Variants in SPIC observed in about 807,000 individuals in gnomAD.
SPIC encodes Spi-C transcription factor, also known as transcription factor Spi-C.
A neutral mutation model predicts 16.7 loss-of-function variants in SPIC; 9 were observed. The ratio of observed to expected loss-of-function variants is 0.54; its 90% confidence interval spans 0.33 to 0.94. SPIC has a LOEUF of 0.94. Ranked by LOEUF, SPIC falls within the 40% of genes least tolerant of loss-of-function variation. SPIC has a pLI of 0.03. For missense variants in SPIC, 241 were observed against 285.8 expected (o/e 0.84, Z 1.13); for synonymous variants, 97 against 102.9 (o/e 0.94, Z 0.35).
In SPIC at chr12:101,479,623, G is replaced by A; in HGVS notation, c.139G>A (p.Val47Ile). 1 of 1,613,564 alleles carries A rather than the reference G, an allele frequency of 6.2e-7. No individual in the cohort carries two copies. The highest frequency in any genetic ancestry group is 8.5e-7 in the Non-Finnish European group (1 of 1,179,686). The change falls in exon 4 of 6, where the codon GTC (valine) becomes ATC (isoleucine). Residue 47 changes from valine (V) to isoleucine (I), a missense_variant. Coordinates refer to ENST00000551346, the MANE Select transcript of SPIC (RefSeq NM_152323.3). ...GGCTTTAATCAACCATCGTCCTCAT[G>A]TCAAAGGAAATTCCAGCTGCTATGG... ...YLALINHRPH[V>I]KGNSSCYGVL...
rs147320195 is a variant in SPIC, at chr12:101,478,838, A to T, written c.98-744A>T. Among the ~76,000 whole-genome samples, 107 of 152,226 alleles carry T rather than the reference A, an allele frequency of 7.0e-4. 2 individuals carry two copies. The East Asian group carries it at 0.02, about 28-fold the overall frequency. On this transcript the variant is annotated intron_variant, in intron 3 of 5. Coordinates refer to ENST00000551346, the MANE Select transcript of SPIC (RefSeq NM_152323.3). ...ATAGGGTATTACAGGGTGTTCCAAG[A>T]TAAGAGAAATCATGTGGGCAGGGCA...
intron 2 of SPIC, 137 bp from the exon 3 acceptor site, chr12:101,477,421 A>G: frequency 1.3e-6 from 1 of 770,628 alleles, no homozygotes; most frequent in South Asian, 1.7e-5. Context: ...CCCCCTGACA[A>G]CAGAGACAGC....
intron 4 of SPIC, among the ~76,000 whole-genome samples, chr12:101,482,188 C>T (rs1216604181): frequency 1.3e-5 from 2 of 150,096 alleles, no homozygotes; most frequent in African/African-American, 2.5e-5. Context: ...GCCAAGATCG[C>T]GCCATTGCAC....
rs140414335 is a variant in SPIC at position 101,482,890 on chromosome 12, G to A, written c.309G>A (p.Lys103=). Residue 103 remains lysine, a synonymous_variant, in exon 5 of 6, where the codon AAG becomes AAA. Transcript: ENST00000551346. The part of the protein sequence containing the change: ...QLVQPTLLQQ[K]GGKGRKKLRL... ...TACAACCCACTCTTCTCCAGCAAAA[G>A]GGGGGAAAAGGTACGTTGATCCATC... The A allele has an allele frequency of 5.0e-6, 8 of 1,613,220 alleles. No individual in the cohort carries two copies. The Admixed American group carries it at 1.2e-4, about 24-fold the overall frequency.
chr12:101,482,122 C>T (rs1873221978), intron 4 of SPIC, among the ~76,000 whole-genome samples: 1 of 150,934 alleles, frequency 6.6e-6, no homozygotes, highest in Non-Finnish European at 1.5e-5. Flanking sequence ...CGCCCAGCTA[C>T]TAGGGAGGCT....
intron 5 of SPIC, among the ~76,000 whole-genome samples, chr12:101,485,533 C>T (rs1373635670): frequency 6.6e-6 from 1 of 152,016 alleles, no homozygotes; most frequent in Non-Finnish European, 1.5e-5. Flanking sequence ...AGTTTTTCTC[C>T]TTTTTTATTT....
chr12:101,484,437 G>A (rs1873301832), intron 5 of SPIC, among the ~76,000 whole-genome samples: 2 of 151,882 alleles, frequency 1.3e-5, no homozygotes, highest in Non-Finnish European at 2.9e-5. Context: ...TGGGGAGGCT[G>A]AGGTGGGAGG....
rs1473247836 is a variant in SPIC, at chr12:101,479,295, A to G, written c.98-287A>G. 1.7e-3 allele frequency among the ~76,000 whole-genome samples: 77 copies of G among 45,630 alleles called. 1 individual carries two copies. Among genetic ancestry groups the G allele is most frequent in the East Asian group, 5.9e-3 (18 of 3,038 alleles). The allele number at this position is 45,630 out of a possible 152,430, so 29.9% of individuals were successfully genotyped here. On this transcript the variant is annotated intron_variant, in intron 3 of 5. Transcript: ENST00000551346. ...GAAAGAAAGAAAGAAAAAGAAAGAA[A>G]GAAAGAAAGAAAAAAGAAAGAAAGA... is the stretch of plus-strand genomic sequence containing the variant.
At chr12:101,479,940 C>T (rs1873136028) in intron 4 of SPIC, among the ~76,000 whole-genome samples, 1 of 151,922 alleles carries the variant, frequency 6.6e-6, no homozygotes, top group Admixed American at 6.6e-5. Context: ...CCTCAGCCTC[C>T]CAAGTAGCTG....
At position 101,486,365 on chromosome 12, in the gene SPIC, T is replaced by G; in HGVS notation, c.341T>G (p.Phe114Cys). ...TTAGGCAGGAAGAAGCTCCGACTGT[T>G]TGAATACCTTCACGAATCCCTGTAT... ...GGKGRKKLRL[F>C]EYLHESLYNP... The change falls in exon 6 of 6, where the codon TTT becomes TGT. Residue 114 changes from phenylalanine (F) to cysteine (C), a missense_variant. Coordinates refer to ENST00000551346, the MANE Select transcript of SPIC (RefSeq NM_152323.3). 6.2e-7 allele frequency: 1 copy of G among 1,611,722 alleles called. No homozygotes were observed. Among genetic ancestry groups the G allele is most frequent in the South Asian group, 1.1e-5 (1 of 90,742 alleles).
intron 1 of SPIC, among the ~76,000 whole-genome samples, chr12:101,475,814 A>T (rs1176661813): frequency 1.3e-5 from 2 of 152,134 alleles, no homozygotes; most frequent in Admixed American, 6.6e-5. Flanking sequence ...ATGGCTTTTA[A>T]AAAATATGTG....
chr12:101,480,779 G>T lies in SPIC; in HGVS notation c.210+1085G>T, dbSNP rs1364777138. ...AGGAGGAAGGATCACTTGAGCCCAA[G>T]AGTTCGAGACCAACCTGGGCAACAG... On this transcript the variant is annotated intron_variant, in intron 4 of 5. Transcript: ENST00000551346. Among the ~76,000 whole-genome samples, 5 of 152,278 alleles carry T rather than the reference G, an allele frequency of 3.3e-5. No individual in the cohort carries two copies. In the East Asian group the frequency reaches 9.6e-4, roughly 29 times the overall value.
Position 101,486,662 on chromosome 12 carries a change from A to G in SPIC, c.638A>G (p.Tyr213Cys), listed in dbSNP as rs1307034260. The G allele has an allele frequency of 1.2e-6, 2 of 1,613,976 alleles. No individual in the cohort carries two copies. The highest frequency in any genetic ancestry group is 2.2e-5 in the South Asian group (2 of 91,070). ...TATTTCCTGGGGAAAGAGATCTTCT[A>G]TTCACAGTGTGTTCAACCTGATCAA... ...PSYFLGKEIF[Y>C]SQCVQPDQEY... The change falls in exon 6 of 6, where the codon TAT becomes TGT. Residue 213 changes from tyrosine (Y) to cysteine (C), a missense_variant. Physicochemically the swap from Tyr to Cys is radical, Grantham distance 194. Coordinates refer to ENST00000551346, the MANE Select transcript of SPIC (RefSeq NM_152323.3).
In SPIC at chr12:101,476,871, C is replaced by G. The variant is rs1472553494; in HGVS notation, c.-34C>G. 2 of 1,363,452 alleles carry G rather than the reference C, an allele frequency of 1.5e-6. No homozygotes were observed. The highest frequency in any genetic ancestry group is 3.0e-5 in the African/African-American group (2 of 66,844). 84.5% of individuals were successfully genotyped at this position (1,363,452 alleles called of 1,614,324 possible). A position where few individuals can be genotyped will look rare whatever the true frequency, so the allele number is the denominator to read the frequency against. ...TTTTATTTTCTTCAAGCAACAATTG[C>G]TAAGGAACAGAATTGTCAATTTATT... On this transcript the variant is annotated 5_prime_UTR_variant, in exon 2 of 6. Coordinates refer to ENST00000551346, the MANE Select transcript of SPIC (RefSeq NM_152323.3).
rs1873365857 is a variant in SPIC, at chr12:101,486,355, C to T, written c.331C>T (p.Leu111Phe). Residue 111 changes from leucine (L) to phenylalanine (F), a missense_variant, in exon 6 of 6, where the codon CTC becomes TTC. Physicochemically the swap from Leu to Phe is conservative, Grantham distance 22. Coordinates refer to ENST00000551346, the MANE Select transcript of SPIC (RefSeq NM_152323.3). ...QQKGGKGRKK[L>F]RLFEYLHESL... ...TCCCTTCATTTTAGGCAGGAAGAAG[C>T]TCCGACTGTTTGAATACCTTCACGA... 5.0e-6 allele frequency: 8 copies of T among 1,608,116 alleles called. No individual in the cohort carries two copies. Among genetic ancestry groups the T allele is most frequent in the South Asian group, 1.1e-5 (1 of 90,160 alleles).
intron 1 of SPIC, 127 bp from the exon 2 acceptor site, chr12:101,476,701 A>AAT: frequency 2.8e-6 from 1 of 357,166 alleles, no homozygotes; most frequent in Non-Finnish European, 5.1e-6. Flanking sequence ...TACTCATCAA[A>AAT]GAGAATTCAG....
Position 101,485,625 on chromosome 12 carries a change from C to T in SPIC, c.320-719C>T, listed in dbSNP as rs375284232. Reference sequence around the variant, plus strand: ...TTTCCTTAATATTACCTTACATTTGCATTCTATTTTGCATTTTACAAAGTG... The same window carrying T: ...TTTCCTTAATATTACCTTACATTTGTATTCTATTTTGCATTTTACAAAGTG... On this transcript the variant is annotated intron_variant, in intron 5 of 5. Coordinates refer to ENST00000551346, the MANE Select transcript of SPIC (RefSeq NM_152323.3). 1.1e-3 allele frequency among the ~76,000 whole-genome samples: 160 copies of T among 152,256 alleles called. 1 individual carries two copies. Among genetic ancestry groups the T allele is most frequent in the African/African-American group, 3.6e-3 (151 of 41,552 alleles).
intron 3 of SPIC, among the ~76,000 whole-genome samples, chr12:101,479,259 A>AAAG (rs1873089488): frequency 1.1e-5 from 1 of 95,144 alleles, no homozygotes; most frequent in Admixed American, 1.1e-4. Flanking sequence ...AGAAAGAAGG[A>AAAG]AGGAAAGAAA....
chr12:101,483,022 AGAGTAATTTAACTCTGACTTCTT>A, intron 5 of SPIC, 122 bp downstream of exon 5: 1 of 793,262 alleles, frequency 1.3e-6, no homozygotes, highest in South Asian at 1.7e-5. Flanking sequence ...ATCACATTTG[AGAGTAATTTAACTCTGACTTCTT>A]GAAACAGTCC....
Sources: allele counts gnomAD v4.1 joint callset (sites outside exome capture counted in the v4.1 genomes callset), GRCh38; gene constraint gnomAD v4.1.1; transcripts MANE v1.5; gene names NCBI Gene and HGNC (gene_info 2026-07-23, HGNC 2026-07-21).